The following TMPRSS11D variants were observed in gnomAD, a reference collection of about 807,000 sequenced individuals.
The protein encoded by TMPRSS11D is transmembrane protease serine 11D.
A neutral mutation model predicts 44.4 loss-of-function variants in TMPRSS11D; 32 were observed. The observed-to-expected ratio is 0.72, with a 90% CI of 0.54 to 0.97. TMPRSS11D has a LOEUF of 0.97. TMPRSS11D is among the 50% of genes least tolerant of loss of function. The pLI, the probability that TMPRSS11D is intolerant of heterozygous loss-of-function variation, is 0.00. For synonymous variants in TMPRSS11D, 179 were observed against 177.9 expected, an observed-to-expected ratio of 1.01 and a Z score of -0.05; for missense variants, 446 against 502.6, an observed-to-expected ratio of 0.89 and a Z score of 1.08.
At chr4:67,853,444 C>CG (rs1223663369) in intron 3 of TMPRSS11D, among the ~76,000 whole-genome samples, 4 of 151,964 alleles carry the variant, frequency 2.6e-5, no homozygotes, top group Non-Finnish European at 5.9e-5. Context: ...ATTCTTAGGA[C>CG]TTTTTTTTGA....
At chr4:67,854,347 C>G (rs1024817411) in intron 2 of TMPRSS11D, among the ~76,000 whole-genome samples, 161 bp from the exon 3 acceptor site, 1 of 152,012 alleles carries the variant, frequency 6.6e-6, no homozygotes, top group Non-Finnish European at 1.5e-5. Context: ...AAATTATTAT[C>G]TTTTCAATTT....
chr4:67,870,151 A>G (rs1427487520), intron 1 of TMPRSS11D, among the ~76,000 whole-genome samples: 1 of 152,210 alleles, frequency 6.6e-6, no homozygotes, highest in African/African-American at 2.4e-5. Flanking sequence ...TAAAATTTTT[A>G]TAGTGAACAT....
At chr4:67,836,544 G>T (rs1291835408) in intron 5 of TMPRSS11D, among the ~76,000 whole-genome samples, 1 of 152,066 alleles carries the variant, frequency 6.6e-6, no homozygotes, top group South Asian at 2.1e-4. Context: ...TAAAAAGCTG[G>T]CCATTCTTAA....
At chr4:67,833,878 A>C (rs1370397061) in intron 6 of TMPRSS11D, among the ~76,000 whole-genome samples, 1 of 152,172 alleles carries the variant, frequency 6.6e-6, no homozygotes, top group Non-Finnish European at 1.5e-5. Flanking sequence ...TTGAAGTTGG[A>C]GGAAAACTGG....
rs1374380010 is a variant in TMPRSS11D, at chr4:67,822,145, A to G, written c.*192T>C. 3 of 619,864 alleles carry G rather than the reference A, an allele frequency of 4.8e-6. No homozygotes were observed. The highest frequency in any genetic ancestry group is 2.8e-5 in the Admixed American group (1 of 35,498). 38.4% of individuals were successfully genotyped at this position (619,864 alleles called of 1,614,324 possible). A position where few individuals can be genotyped will look rare whatever the true frequency, so the allele number is the denominator to read the frequency against. ...AGCCACAGTACTATGCAACATTCATATAGTTCTCTGGAGAAAATAGAAAAC... is the reference window on the plus strand; with the variant it reads ...AGCCACAGTACTATGCAACATTCATGTAGTTCTCTGGAGAAAATAGAAAAC... On this transcript the variant is annotated 3_prime_UTR_variant, in exon 10 of 10. Coordinates refer to ENST00000283916, the MANE Select transcript of TMPRSS11D (RefSeq NM_004262.3).
intron 4 of TMPRSS11D, 112 bp downstream of exon 4, chr4:67,842,446 T>A: frequency 3.0e-6 from 3 of 1,003,084 alleles, no homozygotes; most frequent in Non-Finnish European, 4.5e-6. Context: ...ACTATTTTCA[T>A]AATATTACAA....
chr4:67,829,704 G>T (rs1174836348), intron 7 of TMPRSS11D, among the ~76,000 whole-genome samples: 7 of 151,944 alleles, frequency 4.6e-5, no homozygotes, highest in African/African-American at 1.4e-4. Context: ...TGTAAAATAG[G>T]CAAAGAATAT....
At chr4:67,842,672 C>T (rs1718261630) in intron 3 of TMPRSS11D, 47 bp from the exon 4 acceptor site, 8 of 1,515,258 alleles carry the variant, frequency 5.3e-6, no homozygotes, top group Non-Finnish European at 7.3e-6. Context: ...TACAGTTCTT[C>T]TTCTCCTTCC....
intron 7 of TMPRSS11D, among the ~76,000 whole-genome samples, chr4:67,831,176 TA>T (rs979569104): frequency 2.0e-5 from 3 of 152,056 alleles, no homozygotes; most frequent in Admixed American, 6.6e-5. Context: ...TAAAGGCAGA[TA>T]AAAAAATTTC....
In TMPRSS11D at chr4:67,821,305, T is replaced by C. The variant is rs1456604346; in HGVS notation, c.*1032A>G. 6.6e-6 allele frequency: 1 copy of C among 152,002 alleles called. No homozygotes were observed. The highest frequency in any genetic ancestry group is 1.5e-5 in the Non-Finnish European group (1 of 67,990). 9.4% of individuals were successfully genotyped at this position (152,002 alleles called of 1,614,324 possible). On this transcript the variant is annotated 3_prime_UTR_variant, in exon 10 of 10. Transcript: ENST00000283916. The stretch of plus-strand genomic sequence containing the variant: ...AAATGAGAGAGGAAGAGTGACAAAG[T>C]TTTTTCTGTCTTCAGGATCATTCTA...
At chr4:67,856,921 A>T (rs1718650764) in intron 2 of TMPRSS11D, among the ~76,000 whole-genome samples, 1 of 152,132 alleles carries the variant, frequency 6.6e-6, no homozygotes, top group Non-Finnish European at 1.5e-5. Context: ...CACAAATCAA[A>T]CCCACAATGA....
In TMPRSS11D at chr4:67,875,450, A is replaced by T. The variant is rs576672252; in HGVS notation, c.8+8476T>A. ...AGGTTCCTTCTTCCTTCCCATGGCTAGCCCATGGATAGATCCTCCCACGAC... is the reference window on the plus strand; with the variant it reads ...AGGTTCCTTCTTCCTTCCCATGGCTTGCCCATGGATAGATCCTCCCACGAC... On this transcript the variant is annotated intron_variant, in intron 1 of 9. Transcript: ENST00000283916. Among the ~76,000 whole-genome samples the T allele has an allele frequency of 9.2e-5, 14 of 152,130 alleles. No individual in the cohort carries two copies. In the South Asian group the frequency reaches 2.9e-3, roughly 32 times the overall value.
At chr4:67,828,943 C>T (rs1300840063) in intron 7 of TMPRSS11D, among the ~76,000 whole-genome samples, 1 of 152,006 alleles carries the variant, frequency 6.6e-6, no homozygotes, top group African/African-American at 2.4e-5. Context: ...TTAGCCAAAG[C>T]TTTAGTAGAA....
At chr4:67,864,511 G>A (rs1343524860) in intron 1 of TMPRSS11D, among the ~76,000 whole-genome samples, 1 of 151,844 alleles carries the variant, frequency 6.6e-6, no homozygotes, top group Non-Finnish European at 1.5e-5. Flanking sequence ...GAAACAAAAT[G>A]GCAATATGAC....
At chr4:67,863,925 C>A (rs1337389211) in intron 1 of TMPRSS11D, among the ~76,000 whole-genome samples, 2 of 151,938 alleles carry the variant, frequency 1.3e-5, no homozygotes, top group Non-Finnish European at 2.9e-5. Flanking sequence ...TGGATGAGTC[C>A]TTTTAACATT....
At chr4:67,829,662 GT>G (rs1717897344) in intron 7 of TMPRSS11D, among the ~76,000 whole-genome samples, 3 of 152,000 alleles carry the variant, frequency 2.0e-5, no homozygotes, top group Non-Finnish European at 2.9e-5. Flanking sequence ...TTAAAAGTCT[GT>G]AAACCAGTAA....
chr4:67,881,555 A>G (rs1453513623), intron 1 of TMPRSS11D, among the ~76,000 whole-genome samples: 1 of 152,186 alleles, frequency 6.6e-6, no homozygotes, highest in African/African-American at 2.4e-5. Context: ...CCTAATTTCT[A>G]TGAAGAAATA....
chr4:67,861,828 C>G (rs1306839763), intron 1 of TMPRSS11D, among the ~76,000 whole-genome samples: 3 of 152,064 alleles, frequency 2.0e-5, no homozygotes, highest in Non-Finnish European at 2.9e-5. Context: ...ATGAATTGTT[C>G]CACCCTATAG....
chr4:67,854,387 T>C lies in TMPRSS11D; in HGVS notation c.131-201A>G, dbSNP rs193118471. On this transcript the variant is annotated intron_variant, in intron 2 of 9. Transcript: ENST00000283916. ...AAAGATTGGCAAAGCCAGAGTGGTGTAGATGTTTAAAAATCAGAGTGGTAT... is the reference window on the plus strand; with the variant it reads ...AAAGATTGGCAAAGCCAGAGTGGTGCAGATGTTTAAAAATCAGAGTGGTAT... 2.9e-3 allele frequency among the ~76,000 whole-genome samples: 434 copies of C among 152,280 alleles called. 5 individuals are homozygous for C. The highest frequency in any genetic ancestry group is 9.9e-3 in the African/African-American group (411 of 41,588).
Sources: gnomAD v4.1 joint callset for allele counts (sites outside exome capture counted in the v4.1 genomes callset) on GRCh38, gnomAD v4.1.1 for gene constraint, MANE v1.5 for transcripts, NCBI Gene and HGNC (gene_info 2026-07-23, HGNC 2026-07-21) for gene names.